Variants in MUC5B observed in about 807,000 individuals in gnomAD.
The protein encoded by MUC5B is mucin 5B, oligomeric mucus/gel-forming, also known as mucin-5B.
In MUC5B, 116 loss-of-function variants were observed where a neutral mutation model predicts 376.9. The ratio of observed to expected loss-of-function variants is 0.31; its 90% CI spans 0.26 to 0.36. The LOEUF (loss-of-function observed/expected upper bound fraction) is 0.36, where lower values mean the gene tolerates loss of function less well. Among genes scored for constraint, MUC5B ranks in the 10% least tolerant of loss-of-function variants. The pLI, the probability that MUC5B is intolerant of heterozygous loss-of-function variation, is 1.00. For missense variants in MUC5B, 7,165 were observed against 7,769.9 expected (o/e 0.92, Z 2.93); for synonymous variants, 3,517 against 3,390.9 (o/e 1.04, Z -1.29).
chr11:1,226,063 A>C lies in MUC5B; in HGVS notation c.128-142A>C, dbSNP rs888905499. 1.1e-4 allele frequency: 92 copies of C among 807,222 alleles called. 1 individual carries two copies. The highest frequency in any genetic ancestry group is 7.7e-5 in the Admixed American group (3 of 39,014). The allele number at this position is 807,222 out of a possible 1,614,324, so 50.0% of individuals were successfully genotyped here. On this transcript the variant is annotated intron_variant, in intron 2 of 48. Transcript: ENST00000529681. ...TTGTGGGGCAGACAGGGCCAAGGGT[A>C]AAGGGGCTGCCTTGGCCCCAGCCCA...
chr11:1,235,036 G>T (rs1315047678), intron 21 of MUC5B, 49 bp from the exon 22 acceptor site: 5 of 1,570,334 alleles, frequency 3.2e-6, no homozygotes, highest in Non-Finnish European at 4.3e-6. Flanking sequence ...TCTCAGGAAG[G>T]CCGGGAGAGC....
chr11:1,247,972 A>G lies in MUC5B; in HGVS notation c.11092A>G (p.Thr3698Ala). The part of the protein sequence containing the change: ...GTTWILTKLT[T>A]TATTTESTGS... ...GACCTGGATCCTCACAAAGCTGACC[A>G]CAACAGCCACTACGACTGAGTCCAC... Residue 3698 changes from threonine to alanine, a missense_variant, in exon 31 of 49, where the codon ACA becomes GCA. This residue lies in a region of MUC5B where 90 missense variants were observed against 71.1 expected (regional missense o/e 1.27). Transcript: ENST00000529681. The G allele has an allele frequency of 1.9e-6, 3 of 1,610,716 alleles. No individual in the cohort carries two copies. Among genetic ancestry groups the G allele is most frequent in the South Asian group, 1.1e-5 (1 of 90,994 alleles).
In MUC5B at chr11:1,227,158, C is replaced by T. The variant is rs1191487343; in HGVS notation, c.576+13C>T. ...GGACAGTGCCCTGGTGAGGAAGCCC[C>T]CTCGCCCCTTGCCCCTTCAGGCCTG... On this transcript the variant is annotated intron_variant, in intron 5 of 48. Coordinates refer to ENST00000529681, the MANE Select transcript of MUC5B (RefSeq NM_002458.3). 2 of 1,607,198 alleles carry T rather than the reference C, an allele frequency of 1.2e-6. No individual in the cohort carries two copies. The highest frequency in any genetic ancestry group is 1.3e-5 in the African/African-American group (1 of 74,840).
chr11:1,252,784 A>G, intron 32 of MUC5B, 25 bp from the exon 33 acceptor site: 1 of 1,581,916 alleles, frequency 6.3e-7, no homozygotes, highest in Non-Finnish European at 8.6e-7. Context: ...GGTCCAGGTG[A>G]GGACGTGCAT....
chr11:1,223,696 C>T (rs1014859647), intron 1 of MUC5B, among the ~76,000 whole-genome samples: 16 of 152,202 alleles, frequency 1.1e-4, no homozygotes, highest in Non-Finnish European at 7.3e-5. Context: ...GCAAGAGCCC[C>T]GGCCTCAACC....
Position 1,253,988 on chromosome 11 carries a change from G to A in MUC5B, c.15218-104G>A. 3 of 1,476,290 alleles carry A rather than the reference G, an allele frequency of 2.0e-6. No individual in the cohort carries two copies. The East Asian group carries it at 7.4e-5, about 36-fold the overall frequency. 91.4% of individuals were successfully genotyped at this position (1,476,290 alleles called of 1,614,324 possible). On this transcript the variant is annotated intron_variant, in intron 33 of 48. Transcript: ENST00000529681. This position sits in a 1 kb window ranked among gnomAD's most constrained non-coding sequence, Gnocchi z 4.3. Reference sequence around the variant, plus strand: ...AGCTGAGGCCCCAGGGGCTTCAGTGGCTCCCCAAGGCGGCAGTCACAGTGG... The same window carrying A: ...AGCTGAGGCCCCAGGGGCTTCAGTGACTCCCCAAGGCGGCAGTCACAGTGG...
rs890251287 is a variant in MUC5B at position 1,249,834 on chromosome 11, C to T, written c.12954C>T (p.Ser4318=). Residue 4318 remains serine (S), a synonymous_variant, in exon 31 of 49, where the codon TCC becomes TCT. Transcript: ENST00000529681. The stretch of plus-strand genomic sequence containing the variant: ...TGCTGACAAGCACAGCCACCAAATC[C>T]ACAGCTACCAGCGTTACACCCATCC... ...LPVLTSTATK[S]TATSVTPIPS... is the part of the protein sequence containing the mutation. 3 of 1,613,552 alleles carry T rather than the reference C, an allele frequency of 1.9e-6. No individual in the cohort carries two copies. The highest frequency in any genetic ancestry group is 2.5e-6 in the Non-Finnish European group (3 of 1,179,800).
Position 1,247,308 on chromosome 11 carries a change from G to C in MUC5B, c.10428G>C (p.Ser3476=), listed in dbSNP as rs367868062. The stretch of plus-strand genomic sequence containing the variant: ...GCACAGCCTGGACTTCGGCCACCTC[G>C]GGCATCTTGGGCACCACCCACATCA... ...TVRTAWTSAT[S]GILGTTHITE... is the part of the protein sequence containing the mutation. The change falls in exon 31 of 49, where the codon TCG becomes TCC. Residue 3476 remains serine, a synonymous_variant. Transcript: ENST00000529681. 7 of 1,610,976 alleles carry C rather than the reference G, an allele frequency of 4.3e-6. No homozygotes were observed. The highest frequency in any genetic ancestry group is 5.9e-6 in the Non-Finnish European group (7 of 1,179,408).
chr11:1,245,641 G>A lies in MUC5B; in HGVS notation c.8761G>A (p.Ala2921Thr). 6.3e-7 allele frequency: 1 copy of A among 1,599,350 alleles called. No individual in the cohort carries two copies. Residue 2921 changes from alanine (A) to threonine (T), a missense_variant, in exon 31 of 49, where the codon GCC becomes ACC. Around this residue, in one of 31 missense-constraint regions of MUC5B, gnomAD observed 57 missense variants for 167.2 expected, o/e 0.34. Coordinates refer to ENST00000529681, the MANE Select transcript of MUC5B (RefSeq NM_002458.3). ...CCTGGGCCTCGAGTGCCGTGCCCAG[G>A]CCCAGCCTGGTGTCCCCCTGCGGGA... is the stretch of plus-strand genomic sequence containing the variant. ...QPLGLECRAQ[A>T]QPGVPLRELG...
chr11:1,260,808 GCT>G, intron 48 of MUC5B, 80 bp downstream of exon 48: 2 of 1,102,644 alleles, frequency 1.8e-6, no homozygotes, highest in Non-Finnish European at 2.7e-6. Context: ...CTGGCAGCCT[GCT>G]CTGGGTCAGG....
At position 1,252,420 on chromosome 11, in the gene MUC5B, C is replaced by A; in HGVS notation, c.14941C>A (p.Arg4981Ser). The A allele has an allele frequency of 6.2e-7, 1 of 1,611,222 alleles. No homozygotes were observed. The highest frequency in any genetic ancestry group is 8.5e-7 in the Non-Finnish European group (1 of 1,179,044). ...AVCNQHCDID[R>S]FQGACPTSPP... is the part of the protein sequence containing the mutation. ...GTGCAATCAGCACTGTGACATTGAC[C>A]GCTTCCAGGGCGCCTGTCCCACCTC... is the stretch of plus-strand genomic sequence containing the variant. Residue 4981 changes from arginine to serine, a missense_variant, in exon 32 of 49, where the codon CGC becomes AGC. Arg to Ser is a moderately radical substitution (Grantham distance 110, BLOSUM62 -1). Transcript: ENST00000529681.
At position 1,249,602 on chromosome 11, in the gene MUC5B, C is replaced by T. The variant is rs1364632333; in HGVS notation, c.12722C>T (p.Ser4241Phe). The change falls in exon 31 of 49, where the codon TCC becomes TTC. Residue 4241 changes from serine (S) to phenylalanine (F), a missense_variant. Coordinates refer to ENST00000529681, the MANE Select transcript of MUC5B (RefSeq NM_002458.3). Reference sequence around the variant, plus strand: ...GCCACCAGCTCTACGGCCATGCCCTCCTCCACTCCGGGGACGACCTGGATC... The same window carrying T: ...GCCACCAGCTCTACGGCCATGCCCTTCTCCACTCCGGGGACGACCTGGATC... ...TPATSSTAMP[S>F]STPGTTWILT... The T allele has an allele frequency of 1.9e-6, 3 of 1,611,930 alleles. No homozygotes were observed. The highest frequency in any genetic ancestry group is 2.5e-6 in the Non-Finnish European group (3 of 1,178,752).
Position 1,249,739 on chromosome 11 carries a change from A to G in MUC5B, c.12859A>G (p.Thr4287Ala). ...TCCCAAAGTGCTGACCAGCCCGGCC[A>G]CCACACCCACAGCCACCAGTTCCAA... ...PPPKVLTSPA[T>A]TPTATSSKAT... The change falls in exon 31 of 49, where the codon ACC becomes GCC. Residue 4287 changes from threonine to alanine, a missense_variant. Physicochemically the swap from Thr to Ala is moderately conservative, Grantham distance 58 (BLOSUM62 0). This residue lies in a region of MUC5B where 431 missense variants were observed against 390.4 expected (regional missense o/e 1.10). Coordinates refer to ENST00000529681, the MANE Select transcript of MUC5B (RefSeq NM_002458.3). The G allele has an allele frequency of 1.9e-6, 3 of 1,611,524 alleles. No individual in the cohort carries two copies. The highest frequency in any genetic ancestry group is 2.7e-5 in the African/African-American group (2 of 74,638).
Position 1,250,808 on chromosome 11 carries a change from C to T in MUC5B, c.13928C>T (p.Pro4643Leu), listed in dbSNP as rs201521453. The change falls in exon 31 of 49, where the codon CCG (proline) becomes CTG (leucine). Residue 4643 changes from proline (P) to leucine (L), a missense_variant. By Grantham distance (98) the Pro-to-Leu change is moderately conservative (BLOSUM62 -3). Coordinates refer to ENST00000529681, the MANE Select transcript of MUC5B (RefSeq NM_002458.3). Reference sequence around the variant, plus strand: ...TCCACGGTGACCCCCTCCTCCATCCCGGGGACCACCCACACCGCCAGAGTG... The same window carrying T: ...TCCACGGTGACCCCCTCCTCCATCCTGGGGACCACCCACACCGCCAGAGTG... ...SGSTVTPSSI[P>L]GTTHTARVLT... 5.6e-4 allele frequency: 902 copies of T among 1,613,414 alleles called. No individual in the cohort carries two copies. Among genetic ancestry groups the T allele is most frequent in the East Asian group, 1.1e-3 (48 of 44,884 alleles).
At chr11:1,232,375 G>A (rs1357919213) in intron 15 of MUC5B, 75 bp from the exon 16 acceptor site, 30 of 1,483,612 alleles carry the variant, frequency 2.0e-5, no homozygotes, top group Non-Finnish European at 2.6e-5. Flanking sequence ...CCGGGCTGAG[G>A]GGGTCGCAGG....
At position 1,234,423 on chromosome 11, in the gene MUC5B, C is replaced by T. The variant is rs1360192756; in HGVS notation, c.2479-106C>T. ...TACCCACCTGGAAGCTCCGCCCTGGCCCATGCGTTGCCCTGGGTGCTGCTG... is the reference window on the plus strand; with the variant it reads ...TACCCACCTGGAAGCTCCGCCCTGGTCCATGCGTTGCCCTGGGTGCTGCTG... On this transcript the variant is annotated intron_variant, in intron 20 of 48. Transcript: ENST00000529681. The surrounding 1 kb of genome is among the most constrained non-coding windows in gnomAD (Gnocchi z 6.3). 2.7e-6 allele frequency: 4 copies of T among 1,499,842 alleles called. No homozygotes were observed. In the South Asian group the frequency reaches 3.7e-5, roughly 14 times the overall value. The allele number at this position is 1,499,842 out of a possible 1,614,324, so 92.9% of individuals were successfully genotyped here.
At position 1,229,747 on chromosome 11, in the gene MUC5B, G is replaced by T; in HGVS notation, c.1160G>T (p.Cys387Phe). The T allele has an allele frequency of 6.2e-7, 1 of 1,600,946 alleles. No individual in the cohort carries two copies. The highest frequency in any genetic ancestry group is 8.5e-7 in the Non-Finnish European group (1 of 1,175,616). Residue 387 changes from cysteine (C) to phenylalanine (F), a missense_variant, in exon 10 of 49, where the codon TGC becomes TTC. Cys to Phe is a radical substitution (Grantham distance 205, BLOSUM62 -2). Coordinates refer to ENST00000529681, the MANE Select transcript of MUC5B (RefSeq NM_002458.3). The part of the protein sequence containing the change: ...SGCLPLGQCP[C>F]THGGRTYSPG... ...TGCCTGCCCCTCGGGCAGTGCCCCT[G>T]CACCCACGGCGGCCGCACCTACAGC...
chr11:1,237,170 G>T lies in MUC5B; in HGVS notation c.3297+6G>T. The T allele has an allele frequency of 7.0e-7, 1 of 1,425,122 alleles. No individual in the cohort carries two copies. The highest frequency in any genetic ancestry group is 1.6e-5 in the South Asian group (1 of 61,394). 88.3% of individuals were successfully genotyped at this position (1,425,122 alleles called of 1,614,324 possible). A position where few individuals can be genotyped will look rare whatever the true frequency, so the allele number is the denominator to read the frequency against. ...TCGCCGCCTGCCGCTCCCAGGTGGG[G>T]CTCTGGTCTTGGCAGGCAGGGTCTG... On this transcript the variant is annotated splice_donor_region_variant and intron_variant, in intron 25 of 48. Coordinates refer to ENST00000529681, the MANE Select transcript of MUC5B (RefSeq NM_002458.3).
At position 1,229,724 on chromosome 11, in the gene MUC5B, C is replaced by T; in HGVS notation, c.1137C>T (p.Cys379=). ...TGGATGACATCACGCACTCTGGCTG[C>T]CTGCCCCTCGGGCAGTGCCCCTGCA... ...TVLDDITHSG[C]LPLGQCPCTH... is the part of the protein sequence containing the mutation. The change falls in exon 10 of 49, where the codon TGC becomes TGT. Residue 379 remains cysteine (C), a synonymous_variant. Transcript: ENST00000529681. The T allele has an allele frequency of 6.3e-7, 1 of 1,593,490 alleles. No homozygotes were observed. The highest frequency in any genetic ancestry group is 1.7e-5 in the Admixed American group (1 of 57,792).
Sources: gnomAD v4.1 joint callset for allele counts (sites outside exome capture counted in the v4.1 genomes callset) on GRCh38, gnomAD v4.1.1 for gene constraint, gnomAD v4.1.1 regional missense constraint, Gnocchi (gnomAD v3.1) non-coding constraint, MANE v1.5 for transcripts, NCBI Gene and HGNC (gene_info 2026-07-23, HGNC 2026-07-21) for gene names.